Variants in VPS13B observed in about 807,000 individuals in gnomAD.
The protein encoded by VPS13B is intermembrane lipid transfer protein VPS13B.
Under a neutral mutation model 426.4 loss-of-function variants are expected in VPS13B, and 285 were observed. The ratio of observed to expected loss-of-function variants is 0.67; its 90% CI spans 0.61 to 0.74. VPS13B has a LOEUF of 0.74. Among genes scored for constraint, VPS13B ranks in the 30% least tolerant of loss-of-function variants. VPS13B has a pLI of 0.00. For synonymous variants in VPS13B, 1,676 were observed against 1,676.4 expected (o/e 1.00, Z 0.01); for missense variants, 4,537 against 4,782.6 (o/e 0.95, Z 1.51).
chr8:99,637,565 G>T (rs564426457), intron 33 of VPS13B, among the ~76,000 whole-genome samples: 2 of 152,156 alleles, frequency 1.3e-5, no homozygotes, highest in South Asian at 4.1e-4. Context: ...TGAGCTGATA[G>T]CTGCCATCCT....
intron 41 of VPS13B, among the ~76,000 whole-genome samples, chr8:99,777,521 T>C (rs1811803118): frequency 6.6e-6 from 1 of 152,120 alleles, no homozygotes; most frequent in African/African-American, 2.4e-5. Flanking sequence ...GATTCGATTA[T>C]CTCCCACAAC....
At chr8:99,500,479 C>T (rs1588441655) in intron 25 of VPS13B, among the ~76,000 whole-genome samples, 1 of 152,102 alleles carries the variant, frequency 6.6e-6, no homozygotes, top group South Asian at 2.1e-4. Flanking sequence ...TTAATCTTAA[C>T]TGTATGAGAT....
chr8:99,860,338 AG>A (rs1463559893), intron 57 of VPS13B, among the ~76,000 whole-genome samples: 1 of 152,274 alleles, frequency 6.6e-6, no homozygotes, highest in East Asian at 1.9e-4. Context: ...GACAATGAAA[AG>A]GACACTCCCC....
At chr8:99,807,662 C>CAT (rs1813471580) in intron 43 of VPS13B, among the ~76,000 whole-genome samples, 1 of 150,378 alleles carries the variant, frequency 6.6e-6, no homozygotes, top group Non-Finnish European at 1.5e-5. Context: ...AAGGTATTTA[C>CAT]TATCCAGGGT....
chr8:99,390,047 G>A (rs976249256), intron 20 of VPS13B, among the ~76,000 whole-genome samples: 5 of 151,840 alleles, frequency 3.3e-5, no homozygotes, highest in Middle Eastern at 3.4e-3. Context: ...ATAAAAGCAG[G>A]CACTCTATGT....
chr8:99,404,969 A>C (rs1815246495), intron 21 of VPS13B, among the ~76,000 whole-genome samples: 1 of 152,250 alleles, frequency 6.6e-6, no homozygotes, highest in Non-Finnish European at 1.5e-5. Flanking sequence ...GACTTCAAGC[A>C]TGGTGAAGCT....
Position 99,556,471 on chromosome 8 carries a change from T to C in VPS13B, c.4767T>C (p.Ile1589=), listed in dbSNP as rs1160081199. ...ACAGGAGAGCCTTGAACTTAGGAAT[T>C]CTTCGAGATCCTGGATCAGAAATCG... ...DIYQRALNLG[I]LRDPGSEIED... is the part of the protein sequence containing the mutation. The change falls in exon 31 of 62, where the codon ATT becomes ATC. Residue 1589 remains isoleucine (I), a synonymous_variant. Coordinates refer to ENST00000357162, the MANE Select transcript of VPS13B (RefSeq NM_152564.5). The C allele has an allele frequency of 1.9e-6, 3 of 1,612,826 alleles. No homozygotes were observed. The highest frequency in any genetic ancestry group is 2.5e-6 in the Non-Finnish European group (3 of 1,179,456).
chr8:99,727,580 C>T (rs958156740), intron 39 of VPS13B, among the ~76,000 whole-genome samples: 1 of 152,124 alleles, frequency 6.6e-6, no homozygotes, highest in Non-Finnish European at 1.5e-5. Context: ...TGCAAAGAAA[C>T]GCCTGTATTT....
At chr8:99,194,152 A>G (rs895240574) in intron 17 of VPS13B, among the ~76,000 whole-genome samples, 3 of 152,128 alleles carry the variant, frequency 2.0e-5, no homozygotes, top group Non-Finnish European at 2.9e-5. Context: ...AGGGATGTTC[A>G]AGTTGTAGTA....
intron 19 of VPS13B, among the ~76,000 whole-genome samples, chr8:99,309,630 T>C (rs1820842103): frequency 1.3e-5 from 2 of 152,234 alleles, no homozygotes; most frequent in African/African-American, 4.8e-5. Flanking sequence ...CCTCCAGCTT[T>C]GTTCTTTTTG....
intron 17 of VPS13B, among the ~76,000 whole-genome samples, chr8:99,199,606 T>C (rs899874128): frequency 1.3e-5 from 2 of 152,178 alleles, no homozygotes; most frequent in Non-Finnish European, 2.9e-5. Flanking sequence ...TCCAGTTTTT[T>C]CCTGTGTATG....
Position 99,875,488 on chromosome 8 carries a change from C to G in VPS13B, c.11816C>G (p.Ser3939Cys). The G allele has an allele frequency of 1.2e-6, 2 of 1,614,162 alleles. No homozygotes were observed. The highest frequency in any genetic ancestry group is 1.7e-6 in the Non-Finnish European group (2 of 1,180,028). ...NRLVDYITKT[S>C]CHLAPSCSSM... ...CTGGTGGACTACATCACAAAGACAT[C>G]TTGTCACCTGGCCCCCAGCTGTTCT... The change falls in exon 62 of 62, where the codon TCT becomes TGT. Residue 3939 changes from serine (S) to cysteine (C), a missense_variant. Transcript: ENST00000357162.
At chr8:99,681,480 C>T (rs1022103148) in intron 35 of VPS13B, among the ~76,000 whole-genome samples, 1 of 152,172 alleles carries the variant, frequency 6.6e-6, no homozygotes, top group African/African-American at 2.4e-5. Context: ...AGAGGTTGCA[C>T]TGTATGCCCT....
intron 17 of VPS13B, among the ~76,000 whole-genome samples, chr8:99,249,511 C>A (rs1817394186): frequency 6.6e-6 from 1 of 151,512 alleles, no homozygotes; most frequent in African/African-American, 2.4e-5. Flanking sequence ...ACTGCAAGCC[C>A]CTCCCTGGTT....
intron 39 of VPS13B, among the ~76,000 whole-genome samples, chr8:99,742,409 G>C (rs1328432571): frequency 6.6e-6 from 1 of 152,140 alleles, no homozygotes; most frequent in Non-Finnish European, 1.5e-5. Context: ...AGGAGGAGCT[G>C]GTACCATTCC....
At chr8:99,734,867 A>T (rs1833759108) in intron 39 of VPS13B, among the ~76,000 whole-genome samples, 1 of 152,182 alleles carries the variant, frequency 6.6e-6, no homozygotes, top group Non-Finnish European at 1.5e-5. Context: ...GGGAAGGGAA[A>T]ATTAAAGATG....
chr8:99,761,804 A>G (rs1199522593), intron 39 of VPS13B, among the ~76,000 whole-genome samples: 2 of 152,154 alleles, frequency 1.3e-5, no homozygotes, highest in Non-Finnish European at 2.9e-5. Context: ...GCAACATTTT[A>G]TAATAAACAC....
At chr8:99,373,192 T>A (rs951888449) in intron 19 of VPS13B, among the ~76,000 whole-genome samples, 1 of 152,064 alleles carries the variant, frequency 6.6e-6, no homozygotes, top group African/African-American at 2.4e-5. Context: ...GAGAAAGCAT[T>A]AGGACAAATA....
At chr8:99,835,437 A>G in intron 53 of VPS13B, 102 bp from the exon 54 acceptor site, 1 of 1,499,928 alleles carries the variant, frequency 6.7e-7, no homozygotes, top group Non-Finnish European at 9.2e-7. Flanking sequence ...TAAAAGCATT[A>G]ATGATCTCTT....
Sources: gnomAD v4.1 joint callset for allele counts (sites outside exome capture counted in the v4.1 genomes callset) on GRCh38, gnomAD v4.1.1 for gene constraint, MANE v1.5 for transcripts, NCBI Gene and HGNC (gene_info 2026-07-23, HGNC 2026-07-21) for gene names.